Variants in MGMT observed in about 807,000 individuals in gnomAD.
The protein encoded by MGMT is methylated-DNA--protein-cysteine methyltransferase.
A neutral mutation model predicts 15.9 loss-of-function variants in MGMT; 14 were observed. The observed-to-expected ratio is 0.88, with a 90% CI of 0.58 to 1.37. MGMT has a LOEUF of 1.37. Among genes scored for constraint, MGMT ranks in the 40% most tolerant of loss-of-function variants. The pLI, the probability that MGMT is intolerant of heterozygous loss-of-function variation, is 0.00. For missense variants in MGMT, 282 were observed against 268.1 expected (o/e 1.05, Z -0.36); for synonymous variants, 130 against 118.2 (o/e 1.10, Z -0.65).
At position 129,760,383 on chromosome 10, in the gene MGMT, C is replaced by T. The variant is rs1226834375; in HGVS notation, c.414+1042C>T. 6.6e-5 allele frequency among the ~76,000 whole-genome samples: 10 copies of T among 152,190 alleles called. No homozygotes were observed. In the South Asian group the frequency reaches 1.0e-3, roughly 16 times the overall value. The stretch of plus-strand genomic sequence containing the variant: ...CGTTGGCAGTGTCTTCTCCCGAAAG[C>T]TCTGTGAAAGTTTCTAGCATGATGG... On this transcript the variant is annotated intron_variant, in intron 4 of 4. Transcript: ENST00000651593.
chr10:129,535,430 T>G (rs1036497832), intron 1 of MGMT, among the ~76,000 whole-genome samples: 1 of 152,152 alleles, frequency 6.6e-6, no homozygotes, highest in African/African-American at 2.4e-5. Context: ...AGTGTAAAGG[T>G]AGCCTATAGA....
At chr10:129,534,964 C>T (rs546531753) in intron 1 of MGMT, among the ~76,000 whole-genome samples, 7 of 152,276 alleles carry the variant, frequency 4.6e-5, no homozygotes, top group East Asian at 1.9e-4. Flanking sequence ...CACTGTAGCA[C>T]GGAAGCAGCA....
intron 1 of MGMT, among the ~76,000 whole-genome samples, chr10:129,531,102 C>T (rs1227924417): frequency 2.0e-5 from 3 of 152,148 alleles, no homozygotes; most frequent in Admixed American, 6.5e-5. Context: ...CCCTTCCCAG[C>T]GTCCCTCCTG....
At position 129,659,518 on chromosome 10, in the gene MGMT, A is replaced by T. The variant is rs149934733; in HGVS notation, c.126-48377A>T. ...AGAACACAGGCCATTGTACCTGCTC[A>T]TGAGAACAGAAGTGAAAGTCACACA... On this transcript the variant is annotated intron_variant, in intron 2 of 4. Transcript: ENST00000651593. This position sits in a 1 kb window ranked among gnomAD's most constrained non-coding sequence, Gnocchi z 4.1. 6.6e-6 allele frequency among the ~76,000 whole-genome samples: 1 copy of T among 152,162 alleles called. No homozygotes were observed. Among genetic ancestry groups the T allele is most frequent in the Non-Finnish European group, 1.5e-5 (1 of 68,010 alleles).
In MGMT at chr10:129,538,836, A is replaced by G. The variant is rs377331204; in HGVS notation, c.125+2459A>G. On this transcript the variant is annotated intron_variant, in intron 2 of 4. Coordinates refer to ENST00000651593, the MANE Select transcript of MGMT (RefSeq NM_002412.5). ...TTTTTAGTAGAGACAGGGTTTCACC[A>G]TGTTGGTCAGGCTGGTCTCTAACTC... Among the ~76,000 whole-genome samples, 14 of 152,122 alleles carry G rather than the reference A, an allele frequency of 9.2e-5. No individual in the cohort carries two copies. In the East Asian group the frequency reaches 2.3e-3, roughly 25 times the overall value.
intron 1 of MGMT, among the ~76,000 whole-genome samples, chr10:129,479,142 T>C (rs1845328217): frequency 6.6e-6 from 1 of 152,194 alleles, no homozygotes; most frequent in Non-Finnish European, 1.5e-5. Context: ...TTTATATAAT[T>C]ATTGTGATAT....
chr10:129,762,899 C>T (rs117465947), intron 4 of MGMT, among the ~76,000 whole-genome samples: 211 of 152,180 alleles, frequency 1.4e-3, no homozygotes, highest in Non-Finnish European at 2.7e-3. Flanking sequence ...TACAGCTTCT[C>T]GGTGTCACTT....
intron 2 of MGMT, among the ~76,000 whole-genome samples, chr10:129,573,847 A>G (rs1008967240): frequency 6.6e-6 from 1 of 152,322 alleles, no homozygotes; most frequent in African/African-American, 2.4e-5. Context: ...TAATGTTGTT[A>G]TAAAATTATT....
intron 3 of MGMT, among the ~76,000 whole-genome samples, chr10:129,719,650 C>G (rs1237419199): frequency 6.6e-6 from 1 of 152,134 alleles, no homozygotes; most frequent in African/African-American, 2.4e-5. Flanking sequence ...TAGAAGGACA[C>G]CAGTCAGATG....
chr10:129,649,882 GA>G (rs1251143772), intron 2 of MGMT, among the ~76,000 whole-genome samples: 1 of 152,170 alleles, frequency 6.6e-6, no homozygotes, highest in Non-Finnish European at 1.5e-5. Context: ...CGACACTGTT[GA>G]AGCAATTATC....
chr10:129,512,226 C>G lies in MGMT; in HGVS notation c.-12-24015C>G, dbSNP rs560388635. On this transcript the variant is annotated intron_variant, in intron 1 of 4. Coordinates refer to ENST00000651593, the MANE Select transcript of MGMT (RefSeq NM_002412.5). Reference sequence around the variant, plus strand: ...TCATTCCCTCAGCGATCAGTTTCACCTGTTTGCGGACTGCCTGTAGTACTG... The same window carrying G: ...TCATTCCCTCAGCGATCAGTTTCACGTGTTTGCGGACTGCCTGTAGTACTG... Among the ~76,000 whole-genome samples the G allele has an allele frequency of 1.4e-3, 218 of 152,308 alleles. 1 individual carries two copies. Among genetic ancestry groups the G allele is most frequent in the African/African-American group, 4.9e-3 (205 of 41,558 alleles).
intron 1 of MGMT, among the ~76,000 whole-genome samples, chr10:129,467,669 C>G (rs527604485): frequency 6.6e-6 from 1 of 152,222 alleles, no homozygotes; most frequent in Non-Finnish European, 1.5e-5. Flanking sequence ...GAAGCCCCTG[C>G]GCGGGCCTTG....
chr10:129,715,446 A>G (rs779940288), intron 3 of MGMT: 4 of 152,132 alleles, frequency 2.6e-5, no homozygotes, highest in Admixed American at 6.5e-5. Flanking sequence ...AAAAATAGGA[A>G]TTTTCTCTCT....
intron 1 of MGMT, among the ~76,000 whole-genome samples, chr10:129,475,182 A>G (rs961968315): frequency 1.3e-5 from 2 of 152,120 alleles, no homozygotes; most frequent in East Asian, 3.9e-4. Flanking sequence ...TGTTGGAAGC[A>G]CAGATGGGAG....
chr10:129,687,901 A>T (rs533233592), intron 2 of MGMT, among the ~76,000 whole-genome samples: 26 of 151,258 alleles, frequency 1.7e-4, no homozygotes, highest in South Asian at 4.2e-4. Flanking sequence ...CCTGTGTCCA[A>T]GTGTTCTCAT....
intron 4 of MGMT, among the ~76,000 whole-genome samples, chr10:129,766,009 C>T (rs765815504): frequency 6.6e-6 from 1 of 152,190 alleles, no homozygotes; most frequent in Non-Finnish European, 1.5e-5. Flanking sequence ...CTGAAGGAGG[C>T]GCCCGCCCCT....
intron 3 of MGMT, among the ~76,000 whole-genome samples, chr10:129,723,782 G>A (rs1017026985): frequency 1.3e-5 from 2 of 152,162 alleles, no homozygotes; most frequent in Admixed American, 6.5e-5. Context: ...TCATGAGAAA[G>A]TGCTCGGCAT....
intron 2 of MGMT, among the ~76,000 whole-genome samples, chr10:129,627,275 T>C (rs934816600): frequency 1.3e-5 from 2 of 152,158 alleles, no homozygotes; most frequent in Non-Finnish European, 2.9e-5. Context: ...ACTCTGGTAA[T>C]TGAAGATGGT....
intron 1 of MGMT, among the ~76,000 whole-genome samples, chr10:129,518,353 C>CAT (rs1845763760): frequency 6.7e-6 from 1 of 150,306 alleles, no homozygotes; most frequent in Non-Finnish European, 1.5e-5. Context: ...CACACACACA[C>CAT]ACACACACAC....
Sources: allele counts gnomAD v4.1 joint callset (sites outside exome capture counted in the v4.1 genomes callset), GRCh38; gene constraint gnomAD v4.1.1; non-coding constraint Gnocchi (gnomAD v3.1); transcripts MANE v1.5; gene names NCBI Gene and HGNC (gene_info 2026-07-23, HGNC 2026-07-21).